ANKRD29: variants seen among roughly 807,000 people sequenced by gnomAD.
ANKRD29 encodes the protein ankyrin repeat domain 29, also known as ankyrin repeat domain-containing protein 29.
A neutral mutation model predicts 38.0 loss-of-function variants in ANKRD29; 32 were observed. The observed-to-expected ratio is 0.84, with a 90% CI of 0.64 to 1.13. The LOEUF (loss-of-function observed/expected upper bound fraction) is 1.13. Ranked by LOEUF, ANKRD29 falls within the 50% of genes most tolerant of loss-of-function variation. The probability of loss-of-function intolerance (pLI) is 0.00; values close to 1 mark genes in which losing one functional copy is unlikely to be tolerated. For synonymous variants in ANKRD29, 135 were observed against 152.4 expected, an observed-to-expected ratio of 0.89 and a Z score of 0.84; for missense variants, 357 against 377.9, an observed-to-expected ratio of 0.94 and a Z score of 0.46.
intron 9 of ANKRD29, among the ~76,000 whole-genome samples, chr18:23,604,497 T>C (rs1481889039): frequency 6.6e-6 from 1 of 152,170 alleles, no homozygotes; most frequent in Non-Finnish European, 1.5e-5. Context: ...TTCAGACTTT[T>C]GGGGGCAGTT....
intron 9 of ANKRD29, among the ~76,000 whole-genome samples, chr18:23,604,124 G>A (rs1028538003): frequency 2.0e-5 from 3 of 152,142 alleles, no homozygotes; most frequent in Admixed American, 1.3e-4. Context: ...TTACAGGTGT[G>A]AGCCACCGCA....
chr18:23,600,946 A>G lies in ANKRD29; in HGVS notation c.*280T>C, dbSNP rs1223652533. 1.8e-5 allele frequency: 5 copies of G among 274,214 alleles called. No homozygotes were observed. In the Admixed American group the frequency reaches 1.9e-4, roughly 10 times the overall value. The allele number at this position is 274,214 out of a possible 1,614,324, so 17.0% of individuals were successfully genotyped here. A position where few individuals can be genotyped will look rare whatever the true frequency, so the allele number is the denominator to read the frequency against. On this transcript the variant is annotated 3_prime_UTR_variant, in exon 10 of 10. Transcript: ENST00000592179. Reference sequence around the variant, plus strand: ...TGACAGGTCCAAGTTAGCATTGTTGAAAATGAGTTTCTGTGGAATCTGTGA... The same window carrying G: ...TGACAGGTCCAAGTTAGCATTGTTGGAAATGAGTTTCTGTGGAATCTGTGA...
chr18:23,641,629 G>A (rs1036237388), intron 3 of ANKRD29, among the ~76,000 whole-genome samples: 6 of 152,260 alleles, frequency 3.9e-5, no homozygotes, highest in Admixed American at 3.3e-4. Flanking sequence ...AACAGCCTGG[G>A]TGCCGTGGAT....
At chr18:23,608,870 G>A (rs1035811130) in intron 9 of ANKRD29, among the ~76,000 whole-genome samples, 11 of 152,128 alleles carry the variant, frequency 7.2e-5, no homozygotes, top group Non-Finnish European at 1.2e-4. Flanking sequence ...GGTGGCTCAC[G>A]CCTGTAATCC....
intron 8 of ANKRD29, among the ~76,000 whole-genome samples, chr18:23,614,128 T>C (rs1431223060): frequency 6.6e-6 from 1 of 152,052 alleles, no homozygotes; most frequent in Non-Finnish European, 1.5e-5. Flanking sequence ...TGGAGTGCAG[T>C]GGCGTGATCT....
At chr18:23,632,409 T>C (rs2059944213) in intron 5 of ANKRD29, among the ~76,000 whole-genome samples, 1 of 151,884 alleles carries the variant, frequency 6.6e-6, no homozygotes, top group Non-Finnish European at 1.5e-5. Flanking sequence ...TAATATAAAA[T>C]GGAAGTTATA....
At chr18:23,662,261 C>T (rs1375461283) in intron 1 of ANKRD29, among the ~76,000 whole-genome samples, 1 of 152,154 alleles carries the variant, frequency 6.6e-6, no homozygotes, top group Admixed American at 6.5e-5. Context: ...ACCTTTGGAC[C>T]CTGAAGCCTC....
At chr18:23,640,422 C>A (rs1030524) in intron 3 of ANKRD29, among the ~76,000 whole-genome samples, 19,493 of 152,164 alleles carry the variant, frequency 0.13, 2,869 homozygotes, top group African/African-American at 0.33. Context: ...ACTAGCATTC[C>A]TTAATACAGG....
At chr18:23,611,557 C>T (rs771802766) in intron 9 of ANKRD29, among the ~76,000 whole-genome samples, 15 of 152,084 alleles carry the variant, frequency 9.9e-5, no homozygotes, top group East Asian at 1.9e-4. Context: ...TGGTGGTCTG[C>T]GCCGGTAATC....
In ANKRD29 at chr18:23,649,209, G is replaced by A; in HGVS notation, c.22-16C>T. The stretch of plus-strand genomic sequence containing the variant: ...GAGTTTCCTTCTGCAAGAACAAAAT[G>A]AAACAGGATCTTAAAATTGATGTCA... On this transcript the variant is annotated splice_polypyrimidine_tract_variant and intron_variant, in intron 1 of 9. Transcript: ENST00000592179. The A allele has an allele frequency of 6.3e-7, 1 of 1,594,646 alleles. No individual in the cohort carries two copies. Among genetic ancestry groups the A allele is most frequent in the Non-Finnish European group, 8.6e-7 (1 of 1,165,502 alleles).
chr18:23,638,736 T>G, intron 4 of ANKRD29, 113 bp downstream of exon 4: 22 of 858,020 alleles, frequency 2.6e-5, no homozygotes, highest in Non-Finnish European at 3.8e-5. Flanking sequence ...TACTTAGGTT[T>G]GAGAATCTTG....
intron 9 of ANKRD29, among the ~76,000 whole-genome samples, chr18:23,606,536 T>G (rs2059577088): frequency 6.6e-6 from 1 of 152,086 alleles, no homozygotes; most frequent in Non-Finnish European, 1.5e-5. Flanking sequence ...GTCTTGAACT[T>G]CCAGGCTCAA....
rs769880636 is a variant in ANKRD29 at position 23,617,797 on chromosome 18, T to G, written c.658A>C (p.Asn220His). 2 of 1,614,142 alleles carry G rather than the reference T, an allele frequency of 1.2e-6. No individual in the cohort carries two copies. Among genetic ancestry groups the G allele is most frequent in the Non-Finnish European group, 1.7e-6 (2 of 1,180,014 alleles). The change falls in exon 8 of 10, where the codon AAC becomes CAC. Residue 220 changes from asparagine (N) to histidine (H), a missense_variant. Physicochemically the swap from Asn to His is moderately conservative, Grantham distance 68. Coordinates refer to ENST00000592179, the MANE Select transcript of ANKRD29 (RefSeq NM_173505.4). ...TTTATGACATCATTATACCCTTTGT[T>G]GGCTGCTTTCAATAATGCTGTTGTG... ...DGTTALLKAANKGYNDVIKEL... is the reference protein window; with the variant it reads ...DGTTALLKAAHKGYNDVIKEL...
chr18:23,622,566 TCTAC>T (rs920120916), intron 6 of ANKRD29, among the ~76,000 whole-genome samples: 2 of 152,236 alleles, frequency 1.3e-5, no homozygotes, highest in African/African-American at 2.4e-5. Flanking sequence ...TATCTATCTA[TCTAC>T]CTACCTACCT....
At chr18:23,633,462 T>A (rs1334980981) in intron 5 of ANKRD29, among the ~76,000 whole-genome samples, 1 of 152,212 alleles carries the variant, frequency 6.6e-6, no homozygotes, top group African/African-American at 2.4e-5. Context: ...ATGGTACGAA[T>A]AAGTATCACA....
intron 1 of ANKRD29, among the ~76,000 whole-genome samples, chr18:23,653,940 T>TTTA (rs2060243862): frequency 1.3e-5 from 2 of 152,132 alleles, no homozygotes; most frequent in Non-Finnish European, 2.9e-5. Flanking sequence ...GCAGTAAGGA[T>TTTA]CTTGGCTCAT....
chr18:23,645,256 A>G (rs911251489), intron 3 of ANKRD29, among the ~76,000 whole-genome samples: 1 of 152,124 alleles, frequency 6.6e-6, no homozygotes, highest in Non-Finnish European at 1.5e-5. Flanking sequence ...TCAGCTTGGA[A>G]ATATATGGAT....
At chr18:23,624,244 A>G (rs2059831352) in intron 6 of ANKRD29, among the ~76,000 whole-genome samples, 1 of 151,676 alleles carries the variant, frequency 6.6e-6, no homozygotes, top group Non-Finnish European at 1.5e-5. Context: ...GGTGGGGCAA[A>G]TCACTTGAGG....
At chr18:23,661,344 A>T (rs1364933988) in intron 1 of ANKRD29, among the ~76,000 whole-genome samples, 3 of 152,086 alleles carry the variant, frequency 2.0e-5, no homozygotes, top group Non-Finnish European at 2.9e-5. Flanking sequence ...TATCCTCAAA[A>T]TTTATCCCAA....
Sources: gnomAD v4.1 joint callset for allele counts (sites outside exome capture counted in the v4.1 genomes callset) on GRCh38, gnomAD v4.1.1 for gene constraint, MANE v1.5 for transcripts, NCBI Gene and HGNC (gene_info 2026-07-23, HGNC 2026-07-21) for gene names.